Variants in TCN2 observed in about 807,000 individuals in gnomAD.
TCN2 encodes transcobalamin-2.
TCN2 carries 34 observed loss-of-function variants against 48.6 expected under a neutral mutation model. That is an observed-to-expected ratio of 0.70 (90% CI 0.53 to 0.93). The LOEUF is 0.93. TCN2 is among the 40% of genes least tolerant of loss of function. TCN2 has a pLI of 0.00. For synonymous variants in TCN2, 283 were observed against 212.5 expected (o/e 1.33, Z -2.89); for missense variants, 652 against 526.1 (o/e 1.24, Z -2.34).
At chr22:30,618,647 G>A (rs898416571) in intron 7 of TCN2, among the ~76,000 whole-genome samples, 7 of 151,956 alleles carry the variant, frequency 4.6e-5, no homozygotes, top group East Asian at 3.9e-4. Context: ...CTCCGTGCCC[G>A]GCCATGTATT....
intron 3 of TCN2, 45 bp downstream of exon 3, chr22:30,613,087 C>G: frequency 6.2e-7 from 1 of 1,605,782 alleles, no homozygotes; most frequent in South Asian, 1.1e-5. Flanking sequence ...GCTGGGAGGG[C>G]TCATCAGATG....
chr22:30,610,730 T>G (rs943781134), intron 1 of TCN2, 141 bp from the exon 2 acceptor site: 3 of 814,432 alleles, frequency 3.7e-6, no homozygotes, highest in African/African-American at 3.4e-5. Context: ...ATGGCTGCAT[T>G]TCCCCCTGCA....
In TCN2 at chr22:30,623,086, G is replaced by T; in HGVS notation, c.1222+3G>T. The T allele has an allele frequency of 6.2e-7, 1 of 1,613,776 alleles. No homozygotes were observed. The highest frequency in any genetic ancestry group is 1.1e-5 in the South Asian group (1 of 91,050). Reference sequence around the variant, plus strand: ...CCCCAACACCCCACTGTTGCAAGGTGAGTCATGGCCTGACACTCTGGATGT... The same window carrying T: ...CCCCAACACCCCACTGTTGCAAGGTTAGTCATGGCCTGACACTCTGGATGT... On this transcript the variant is annotated splice_donor_region_variant and intron_variant, in intron 8 of 8. Coordinates refer to ENST00000215838, the MANE Select transcript of TCN2 (RefSeq NM_000355.4).
Position 30,622,950 on chromosome 22 carries a change from T to C in TCN2, c.1107-18T>C, listed in dbSNP as rs775444439. The C allele has an allele frequency of 2.5e-6, 4 of 1,613,148 alleles. No homozygotes were observed. Among genetic ancestry groups the C allele is most frequent in the Non-Finnish European group, 2.5e-6 (3 of 1,179,122 alleles). Reference sequence around the variant, plus strand: ...AACAGCCACCTCTTCTCTCCCCATTTGCCTTTCCCTTCTGTAGATATGAAA... The same window carrying C: ...AACAGCCACCTCTTCTCTCCCCATTCGCCTTTCCCTTCTGTAGATATGAAA... On this transcript the variant is annotated intron_variant, in intron 7 of 8. Transcript: ENST00000215838.
At chr22:30,616,559 G>C (rs2087615483) in intron 6 of TCN2, among the ~76,000 whole-genome samples, 1 of 151,916 alleles carries the variant, frequency 6.6e-6, no homozygotes, top group Non-Finnish European at 1.5e-5. Context: ...CTAGCACTCT[G>C]GGAAGCTGAG....
intron 8 of TCN2, among the ~76,000 whole-genome samples, chr22:30,625,475 T>A (rs2087793472): frequency 6.6e-6 from 1 of 152,068 alleles, no homozygotes; most frequent in Admixed American, 6.6e-5. Context: ...AAAAATTTTT[T>A]TTTTTGAGAT....
rs1355090129 is a variant in TCN2 at position 30,626,545 on chromosome 22, A to T, written c.*24A>T. 6.2e-7 allele frequency: 1 copy of T among 1,613,566 alleles called. No individual in the cohort carries two copies. Among genetic ancestry groups the T allele is most frequent in the Admixed American group, 1.7e-5 (1 of 59,996 alleles). On this transcript the variant is annotated 3_prime_UTR_variant, in exon 9 of 9. Coordinates refer to ENST00000215838, the MANE Select transcript of TCN2 (RefSeq NM_000355.4). ...AGCCCCTGAGCTCCCTCATCCCAGCAGCCTCGCACACTCCCTAGGCTTCTA... is the reference window on the plus strand; with the variant it reads ...AGCCCCTGAGCTCCCTCATCCCAGCTGCCTCGCACACTCCCTAGGCTTCTA...
intron 7 of TCN2, among the ~76,000 whole-genome samples, chr22:30,622,349 CA>C (rs946709265): frequency 2.6e-5 from 4 of 152,182 alleles, no homozygotes; most frequent in African/African-American, 4.8e-5. Flanking sequence ...TGCAGAAACT[CA>C]AAGTTGAAGG....
chr22:30,614,101 T>C (rs1241590826), intron 3 of TCN2, among the ~76,000 whole-genome samples: 1 of 152,218 alleles, frequency 6.6e-6, no homozygotes, highest in Non-Finnish European at 1.5e-5. Context: ...TGCAGTCGCA[T>C]GAGCAATTGC....
chr22:30,622,393 A>G (rs1569045307), intron 7 of TCN2, among the ~76,000 whole-genome samples: 4 of 152,176 alleles, frequency 2.6e-5, no homozygotes, highest in Admixed American at 1.3e-4. Flanking sequence ...GTGTGAGTTG[A>G]GGAGTCTCTT....
intron 3 of TCN2, among the ~76,000 whole-genome samples, 185 bp downstream of exon 3, chr22:30,613,227 C>G (rs1032243694): frequency 6.6e-6 from 1 of 152,152 alleles, no homozygotes; most frequent in African/African-American, 2.4e-5. Context: ...CCCAGCTTTT[C>G]CCGCGCTGCA....
chr22:30,608,248 C>G (rs2087482634), intron 1 of TCN2, among the ~76,000 whole-genome samples: 3 of 152,174 alleles, frequency 2.0e-5, no homozygotes, highest in Admixed American at 1.3e-4. Context: ...CTGGGGAAAC[C>G]CTGAGAGGTG....
At chr22:30,613,356 C>T (rs994533937) in intron 3 of TCN2, among the ~76,000 whole-genome samples, 5 of 152,052 alleles carry the variant, frequency 3.3e-5, no homozygotes, top group African/African-American at 7.2e-5. Context: ...CTCAGCTCAC[C>T]GCAATCTCTG....
chr22:30,618,272 G>GT (rs71200085), intron 7 of TCN2, among the ~76,000 whole-genome samples: 103 of 147,440 alleles, frequency 7.0e-4, no homozygotes, highest in South Asian at 2.1e-3. Flanking sequence ...GGTTTTTTTT[G>GT]TTTTTTTTTT....
chr22:30,615,293 A>T lies in TCN2; in HGVS notation c.581-8A>T, dbSNP rs7290898. On this transcript the variant is annotated splice_region_variant and splice_polypyrimidine_tract_variant and intron_variant, in intron 4 of 8. Transcript: ENST00000215838. ...CAGCTCATTGCATGTTCTGTCCCCCACTTCAAGACACAGCAGCCATGGCAG... is the reference window on the plus strand; with the variant it reads ...CAGCTCATTGCATGTTCTGTCCCCCTCTTCAAGACACAGCAGCCATGGCAG... The T allele has an allele frequency of 3.7e-4, 599 of 1,613,774 alleles. 4 individuals are homozygous for T. In the East Asian group the frequency reaches 0.012, roughly 31 times the overall value.
chr22:30,611,256 G>C (rs906048210), intron 2 of TCN2, 193 bp downstream of exon 2: 2 of 681,548 alleles, frequency 2.9e-6, no homozygotes, highest in East Asian at 2.7e-5. Context: ...CTAATGCAAG[G>C]CTCCTTTTGC....
chr22:30,612,204 C>T (rs1602044888), intron 2 of TCN2, among the ~76,000 whole-genome samples: 2 of 151,932 alleles, frequency 1.3e-5, no homozygotes, highest in African/African-American at 4.8e-5. Context: ...ATGGTGGCAC[C>T]ACTGCACTCC....
In TCN2 at chr22:30,623,952, G is replaced by GTATACATATATACACACACATATATA. The variant is rs2087757567; in HGVS notation, c.1222+871_1222+896dup. Among the ~76,000 whole-genome samples, 2 of 43,288 alleles carry GTATACATATATACACACACATATATA rather than the reference G, an allele frequency of 4.6e-5. 1 individual carries two copies. The highest frequency in any genetic ancestry group is 9.3e-5 in the Non-Finnish European group (2 of 21,430). 28.4% of individuals were successfully genotyped at this position (43,288 alleles called of 152,430 possible). ...TATACATATATACACACACACATAT[G>GTATACATATATACACACACATATATA]TATACATATATACACACACATATAT... On this transcript the variant is annotated intron_variant, in intron 8 of 8. Transcript: ENST00000215838.
At chr22:30,626,332 C>T (rs2087809280) in intron 8 of TCN2, 128 bp from the exon 9 acceptor site, 1 of 990,422 alleles carries the variant, frequency 1.0e-6, no homozygotes, top group Non-Finnish European at 1.6e-6. Flanking sequence ...GAGGTTCCAG[C>T]TTCCCACCAC....
Sources: gnomAD v4.1 joint callset for allele counts (sites outside exome capture counted in the v4.1 genomes callset) on GRCh38, gnomAD v4.1.1 for gene constraint, MANE v1.5 for transcripts, NCBI Gene and HGNC (gene_info 2026-07-23, HGNC 2026-07-21) for gene names.